Variants in LOC128092252 observed in about 807,000 individuals in gnomAD.
chr15:50,652,638 C>T, the LOC128092252 span, among the ~76,000 whole-genome samples: 13 of 122,298 alleles, frequency 1.1e-4, no homozygotes, highest in African/African-American at 3.2e-4. Flanking sequence ...ATTCTACATA[C>T]GTTCTTCCAA....
chr15:50,679,523 T>TATATATATATA, the LOC128092252 span, among the ~76,000 whole-genome samples: 1 of 44,782 alleles, frequency 2.2e-5, no homozygotes, highest in Admixed American at 1.9e-4. Context: ...TATATATATA[T>TATATATATATA]ATATATATAT....
the LOC128092252 span, among the ~76,000 whole-genome samples, chr15:50,656,362 T>TG: frequency 6.6e-6 from 1 of 152,054 alleles, no homozygotes; most frequent in African/African-American, 2.4e-5. Flanking sequence ...TGCAGTGGTG[T>TG]GATCAGGGCT....
chr15:50,686,425 T>C, the LOC128092252 span: 2 of 1,589,490 alleles, frequency 1.3e-6, no homozygotes, highest in Non-Finnish European at 8.6e-7. Context: ...TCGAGGGTCC[T>C]TCGCCGCATG....
the LOC128092252 span, among the ~76,000 whole-genome samples, chr15:50,682,238 T>C: frequency 2.1e-5 from 3 of 145,540 alleles, no homozygotes; most frequent in Non-Finnish European, 4.5e-5. Flanking sequence ...TCTTGACTTA[T>C]CAACTTCAAA....
the LOC128092252 span, among the ~76,000 whole-genome samples, chr15:50,662,317 ACT>A: frequency 6.8e-6 from 1 of 147,462 alleles, no homozygotes; most frequent in South Asian, 2.1e-4. Flanking sequence ...ACAGAGCAAG[ACT>A]CTGTTCCAAA....
chr15:50,676,501 T>C, the LOC128092252 span, among the ~76,000 whole-genome samples: 5 of 152,022 alleles, frequency 3.3e-5, no homozygotes, highest in Non-Finnish European at 5.9e-5. Flanking sequence ...GGAGGACTGC[T>C]TGAGGCCAGG....
the LOC128092252 span, chr15:50,686,714 T>C: frequency 1.3e-6 from 1 of 782,444 alleles, no homozygotes; most frequent in East Asian, 3.1e-5. Context: ...GCCGAGTCTT[T>C]CATAATTGTG....
At chr15:50,653,992 A>G in the LOC128092252 span, among the ~76,000 whole-genome samples, 2 of 152,306 alleles carry the variant, frequency 1.3e-5, no homozygotes, top group Non-Finnish European at 2.9e-5. Context: ...GAAGGTCCAC[A>G]TCCTAGGACT....
the LOC128092252 span, among the ~76,000 whole-genome samples, chr15:50,672,677 A>T: frequency 6.6e-6 from 1 of 152,010 alleles, no homozygotes; most frequent in Non-Finnish European, 1.5e-5. Flanking sequence ...TGGGAGGCTG[A>T]GGCAGGCGGA....
At chr15:50,682,933 G>C in the LOC128092252 span, among the ~76,000 whole-genome samples, 2 of 148,008 alleles carry the variant, frequency 1.4e-5, no homozygotes, top group Non-Finnish European at 3.0e-5. Flanking sequence ...GTCTGGTTCT[G>C]TTACCCAGGC....
At chr15:50,673,580 G>T in the LOC128092252 span, among the ~76,000 whole-genome samples, 1 of 151,952 alleles carries the variant, frequency 6.6e-6, no homozygotes, top group Non-Finnish European at 1.5e-5. Flanking sequence ...TCTCATCCAG[G>T]TCACTGTGAA....
chr15:50,653,333 A>G, the LOC128092252 span, among the ~76,000 whole-genome samples: 6 of 152,226 alleles, frequency 3.9e-5, no homozygotes, highest in South Asian at 1.2e-3. Flanking sequence ...TCTGTTCATT[A>G]TAAGCACTGT....
the LOC128092252 span, among the ~76,000 whole-genome samples, chr15:50,664,162 G>A: frequency 1.3e-5 from 2 of 151,918 alleles, no homozygotes; most frequent in East Asian, 3.9e-4. Flanking sequence ...GCTGGGTGTG[G>A]TGGCGTGTGC....
the LOC128092252 span, among the ~76,000 whole-genome samples, chr15:50,659,905 T>C: frequency 6.6e-6 from 1 of 152,164 alleles, no homozygotes; most frequent in Non-Finnish European, 1.5e-5. Context: ...TGACCTCAGG[T>C]GATCCACCTA....
chr15:50,665,542 CTT>C, the LOC128092252 span, among the ~76,000 whole-genome samples: 1 of 152,060 alleles, frequency 6.6e-6, no homozygotes. Flanking sequence ...ACATTCAACA[CTT>C]TATATAACTT....
At chr15:50,678,718 T>A in the LOC128092252 span, among the ~76,000 whole-genome samples, 1 of 151,998 alleles carries the variant, frequency 6.6e-6, no homozygotes, top group African/African-American at 2.4e-5. Flanking sequence ...TAACAATTGG[T>A]AGAAAAGTTC....
chr15:50,666,194 C>G, the LOC128092252 span, among the ~76,000 whole-genome samples: 1 of 151,914 alleles, frequency 6.6e-6, no homozygotes, highest in African/African-American at 2.4e-5. Context: ...TTTATCAAGA[C>G]TGAACAAGAA....
the LOC128092252 span, among the ~76,000 whole-genome samples, chr15:50,669,997 G>C: frequency 6.6e-6 from 1 of 152,148 alleles, no homozygotes; most frequent in Non-Finnish European, 1.5e-5. Flanking sequence ...TGCAGGATAA[G>C]CTTACTGAAT....
the LOC128092252 span, among the ~76,000 whole-genome samples, chr15:50,654,436 G>C: frequency 6.6e-6 from 1 of 150,552 alleles, no homozygotes; most frequent in Non-Finnish European, 1.5e-5. Flanking sequence ...AACAGAACAA[G>C]ACACCATCTC....
Sources: allele counts gnomAD v4.1 joint callset (sites outside exome capture counted in the v4.1 genomes callset), GRCh38; gene constraint gnomAD v4.1.1; transcripts MANE v1.5.